Variants in AGPAT5 observed in about 807,000 individuals in gnomAD.
AGPAT5 encodes 1-acylglycerol-3-phosphate O-acyltransferase 5.
Under a neutral mutation model 45.6 loss-of-function variants are expected in AGPAT5, and 46 were observed. The observed-to-expected ratio is 1.01, with a 90% CI of 0.80 to 1.29. The LOEUF (loss-of-function observed/expected upper bound fraction) is 1.29, where lower values mean the gene tolerates loss of function less well. Ranked by LOEUF, AGPAT5 falls within the 50% of genes most tolerant of loss-of-function variation. The pLI, the probability that AGPAT5 is intolerant of heterozygous loss-of-function variation, is 0.00. For synonymous variants in AGPAT5, 272 were observed against 167.0 expected (o/e 1.63, Z -4.85); for missense variants, 673 against 450.7 (o/e 1.49, Z -4.47).
chr8:6,739,577 G>C (rs1801171531), intron 4 of AGPAT5, among the ~76,000 whole-genome samples: 1 of 151,934 alleles, frequency 6.6e-6, no homozygotes, highest in South Asian at 2.1e-4. Context: ...GTTTTTGTTT[G>C]TTGACCTAGG....
At chr8:6,737,678 T>C (rs1801099892) in intron 4 of AGPAT5, among the ~76,000 whole-genome samples, 1 of 152,262 alleles carries the variant, frequency 6.6e-6, no homozygotes, top group Non-Finnish European at 1.5e-5. Context: ...CTTAAGTTCC[T>C]TTTCAGATAG....
At chr8:6,735,855 T>A (rs1010248919) in intron 4 of AGPAT5, among the ~76,000 whole-genome samples, 2 of 127,710 alleles carry the variant, frequency 1.6e-5, no homozygotes, top group Admixed American at 1.5e-4. Context: ...TAGCCTTTTT[T>A]TTTTTTTTTT....
At chr8:6,740,466 A>T (rs896708838) in intron 4 of AGPAT5, among the ~76,000 whole-genome samples, 3 of 148,728 alleles carry the variant, frequency 2.0e-5, no homozygotes, top group Admixed American at 2.0e-4. Flanking sequence ...AAATATAATT[A>T]TACATATAAA....
At chr8:6,728,333 CTG>C (rs1373500232) in intron 2 of AGPAT5, among the ~76,000 whole-genome samples, 1 of 152,220 alleles carries the variant, frequency 6.6e-6, no homozygotes, top group African/African-American at 2.4e-5. Context: ...CAGAAACTGT[CTG>C]TAATCTGATG....
chr8:6,730,875 T>G lies in AGPAT5; in HGVS notation c.405+49T>G, dbSNP rs1430112814. On this transcript the variant is annotated intron_variant, in intron 3 of 7. Coordinates refer to ENST00000285518, the MANE Select transcript of AGPAT5 (RefSeq NM_018361.5). ...CTCTATATATGTAGTTTATAAATTT[T>G]TTTTTTTTTTTTTGGAGACAGTCTC... 4.7e-6 allele frequency: 6 copies of G among 1,277,022 alleles called. No individual in the cohort carries two copies. The Middle Eastern group carries it at 1.1e-3, about 231-fold the overall frequency. 79.1% of individuals were successfully genotyped at this position (1,277,022 alleles called of 1,614,324 possible).
At chr8:6,716,938 G>T (rs575566434) in intron 1 of AGPAT5, among the ~76,000 whole-genome samples, 3 of 152,300 alleles carry the variant, frequency 2.0e-5, no homozygotes, top group Admixed American at 6.5e-5. Context: ...ACTTTTAAGG[G>T]ATGGAGATTT....
At chr8:6,718,565 T>C (rs562254717) in intron 1 of AGPAT5, among the ~76,000 whole-genome samples, 3 of 152,350 alleles carry the variant, frequency 2.0e-5, no homozygotes, top group South Asian at 2.1e-4. Context: ...CTGTTAGATG[T>C]AGTCTGCAAG....
At chr8:6,731,664 A>T (rs1363761993) in intron 3 of AGPAT5, among the ~76,000 whole-genome samples, 1 of 152,220 alleles carries the variant, frequency 6.6e-6, no homozygotes. Flanking sequence ...AAGTTCAAAC[A>T]AATAGGAAAT....
intron 4 of AGPAT5, among the ~76,000 whole-genome samples, chr8:6,736,648 G>A (rs1207879270): frequency 6.6e-6 from 1 of 152,162 alleles, no homozygotes; most frequent in African/African-American, 2.4e-5. Context: ...GTCTTTCTCC[G>A]GAGAACATTT....
intron 6 of AGPAT5, among the ~76,000 whole-genome samples, chr8:6,753,054 G>A (rs753640799): frequency 2.6e-5 from 4 of 152,128 alleles, no homozygotes; most frequent in Admixed American, 6.5e-5. Context: ...CCCTGCCTGC[G>A]TAGAATTGCA....
intron 4 of AGPAT5, among the ~76,000 whole-genome samples, chr8:6,736,345 C>T (rs1801053324): frequency 6.6e-6 from 1 of 152,174 alleles, no homozygotes; most frequent in South Asian, 2.1e-4. Context: ...ATCCATTCAA[C>T]TTCAGTGTTT....
At chr8:6,733,851 C>T (rs908684711) in intron 4 of AGPAT5, among the ~76,000 whole-genome samples, 1 of 152,190 alleles carries the variant, frequency 6.6e-6, no homozygotes, top group African/African-American at 2.4e-5. Flanking sequence ...ATATATGAAG[C>T]AAATGAAGAT....
chr8:6,733,078 T>C (rs959071653), intron 4 of AGPAT5, among the ~76,000 whole-genome samples: 3 of 152,232 alleles, frequency 2.0e-5, no homozygotes, highest in Non-Finnish European at 4.4e-5. Context: ...CAAAAAAGGA[T>C]GAATCTCTAC....
chr8:6,754,765 A>G (rs539964530), intron 6 of AGPAT5, among the ~76,000 whole-genome samples: 1 of 152,310 alleles, frequency 6.6e-6, no homozygotes, highest in East Asian at 1.9e-4. Flanking sequence ...TAGCACTAAA[A>G]GTTGTCACAT....
intron 6 of AGPAT5, among the ~76,000 whole-genome samples, chr8:6,753,594 G>A (rs1305707819): frequency 6.6e-6 from 1 of 152,084 alleles, no homozygotes; most frequent in Non-Finnish European, 1.5e-5. Flanking sequence ...TGCACCCTTA[G>A]GCACAGAGAG....
intron 6 of AGPAT5, among the ~76,000 whole-genome samples, chr8:6,750,135 C>T (rs1048917642): frequency 6.6e-6 from 1 of 152,238 alleles, no homozygotes; most frequent in Non-Finnish European, 1.5e-5. Context: ...GCACCTTTCC[C>T]AGCATAGCAC....
At chr8:6,713,971 A>C (rs1198117755) in intron 1 of AGPAT5, among the ~76,000 whole-genome samples, 1 of 152,246 alleles carries the variant, frequency 6.6e-6, no homozygotes, top group Non-Finnish European at 1.5e-5. Context: ...CTAATGAGTT[A>C]AATTTATATT....
chr8:6,742,833 G>A (rs1392152330), intron 5 of AGPAT5, among the ~76,000 whole-genome samples: 2 of 152,166 alleles, frequency 1.3e-5, no homozygotes, highest in Admixed American at 1.3e-4. Flanking sequence ...GAGTGTTTCA[G>A]AATAGGAGGG....
At chr8:6,741,107 G>T (rs1801232236) in intron 4 of AGPAT5, among the ~76,000 whole-genome samples, 1 of 152,028 alleles carries the variant, frequency 6.6e-6, no homozygotes, top group African/African-American at 2.4e-5. Flanking sequence ...TATAACAAAT[G>T]AGGTTTCTTA....
Sources: gnomAD v4.1 joint callset for allele counts (sites outside exome capture counted in the v4.1 genomes callset) on GRCh38, gnomAD v4.1.1 for gene constraint, MANE v1.5 for transcripts, NCBI Gene and HGNC (gene_info 2026-07-23, HGNC 2026-07-21) for gene names.